Variants in CTNNA3 observed in about 807,000 individuals in gnomAD.
The protein encoded by CTNNA3 is catenin alpha-3.
CTNNA3 carries 76 observed loss-of-function variants against 95.7 expected under a neutral mutation model. The ratio of observed to expected loss-of-function variants is 0.79; its 90% CI spans 0.66 to 0.96. CTNNA3 has a LOEUF of 0.96. Ranked by LOEUF, CTNNA3 falls within the 40% of genes least tolerant of loss-of-function variation. The pLI is 0.00. For synonymous variants in CTNNA3, 431 were observed against 374.4 expected (o/e 1.15, Z -1.74); for missense variants, 1,191 against 1,089.8 (o/e 1.09, Z -1.31).
At chr10:66,527,208 T>A (rs1841299490) in intron 10 of CTNNA3, among the ~76,000 whole-genome samples, 2 of 152,174 alleles carry the variant, frequency 1.3e-5, no homozygotes, top group Non-Finnish European at 2.9e-5. Flanking sequence ...CTGGGCAGCC[T>A]TGTCAAAAAT....
At chr10:67,060,660 G>T (rs1855705278) in intron 7 of CTNNA3, among the ~76,000 whole-genome samples, 1 of 151,748 alleles carries the variant, frequency 6.6e-6, no homozygotes, top group African/African-American at 2.4e-5. Flanking sequence ...TTTACCATGG[G>T]TTCCTGTCTC....
intron 10 of CTNNA3, among the ~76,000 whole-genome samples, chr10:66,575,538 C>T (rs1256820700): frequency 1.3e-5 from 2 of 152,214 alleles, no homozygotes; most frequent in East Asian, 3.9e-4. Flanking sequence ...CTTGACAATG[C>T]TGGTCAAGGG....
intron 15 of CTNNA3, among the ~76,000 whole-genome samples, chr10:66,037,526 C>G (rs920870911): frequency 6.6e-6 from 1 of 152,088 alleles, no homozygotes; most frequent in East Asian, 1.9e-4. Context: ...CTCACCTTAA[C>G]CATAAAATTT....
intron 7 of CTNNA3, among the ~76,000 whole-genome samples, chr10:66,822,136 TATATA>T (rs1454066373): frequency 6.7e-6 from 1 of 149,476 alleles, no homozygotes; most frequent in Non-Finnish European, 1.5e-5. Context: ...TTTATGTCAA[TATATA>T]ATATATAAAG....
chr10:66,250,994 T>G (rs1175846917), intron 13 of CTNNA3, among the ~76,000 whole-genome samples: 1 of 152,188 alleles, frequency 6.6e-6, no homozygotes. Flanking sequence ...TTGCCCTGCC[T>G]TGTAGACCAT....
chr10:67,078,706 T>C (rs1373201742), intron 7 of CTNNA3, among the ~76,000 whole-genome samples: 3 of 152,094 alleles, frequency 2.0e-5, no homozygotes, highest in East Asian at 1.9e-4. Flanking sequence ...TTAGTAGACA[T>C]GGGGTTTCAC....
intron 7 of CTNNA3, among the ~76,000 whole-genome samples, chr10:66,918,968 T>C (rs1175096845): frequency 6.6e-6 from 1 of 151,734 alleles, no homozygotes; most frequent in South Asian, 2.1e-4. Context: ...ACCCTGTCTC[T>C]ACTAAAAATA....
intron 15 of CTNNA3, among the ~76,000 whole-genome samples, chr10:66,056,139 G>A (rs950901306): frequency 6.6e-6 from 1 of 152,030 alleles, no homozygotes; most frequent in Non-Finnish European, 1.5e-5. Context: ...TCCCCATTCA[G>A]TGTGATGCTA....
At chr10:66,985,071 G>T (rs183242440) in intron 7 of CTNNA3, among the ~76,000 whole-genome samples, 1 of 151,926 alleles carries the variant, frequency 6.6e-6, no homozygotes, top group Admixed American at 6.6e-5. Context: ...AGATTTTTCC[G>T]TTGTCTAGAA....
At chr10:66,387,057 C>T (rs1000893158) in intron 11 of CTNNA3, among the ~76,000 whole-genome samples, 29 of 152,128 alleles carry the variant, frequency 1.9e-4, no homozygotes, top group African/African-American at 7.0e-4. Flanking sequence ...ATGACTAAAA[C>T]ACCAAACACA....
chr10:65,995,740 G>C (rs1001846611), intron 15 of CTNNA3, among the ~76,000 whole-genome samples: 1 of 152,228 alleles, frequency 6.6e-6, no homozygotes, highest in Admixed American at 6.5e-5. Context: ...AACCCCATGG[G>C]CTCACAGATA....
chr10:67,232,362 T>C (rs1865256099), intron 5 of CTNNA3, among the ~76,000 whole-genome samples: 2 of 151,978 alleles, frequency 1.3e-5, no homozygotes, highest in East Asian at 1.9e-4. Flanking sequence ...ATATTCAACA[T>C]TCTTAAAGAA....
At chr10:66,928,664 A>T (rs549892582) in intron 7 of CTNNA3, among the ~76,000 whole-genome samples, 1 of 152,254 alleles carries the variant, frequency 6.6e-6, no homozygotes, top group Non-Finnish European at 1.5e-5. Flanking sequence ...AAATTTAAAT[A>T]CCACAATCAA....
At chr10:66,531,379 G>GGTTT (rs1323789833) in intron 10 of CTNNA3, among the ~76,000 whole-genome samples, 2 of 110,950 alleles carry the variant, frequency 1.8e-5, no homozygotes, top group African/African-American at 5.7e-5. Flanking sequence ...ATTAGATTAT[G>GGTTT]GTTTGTTCGT....
At chr10:66,142,570 T>A (rs191737338) in intron 13 of CTNNA3, among the ~76,000 whole-genome samples, 1 of 152,220 alleles carries the variant, frequency 6.6e-6, no homozygotes, top group African/African-American at 2.4e-5. Flanking sequence ...TTACACTGAA[T>A]GTGTAGATCA....
chr10:66,916,695 C>T (rs1449489083), intron 7 of CTNNA3, among the ~76,000 whole-genome samples: 1 of 151,862 alleles, frequency 6.6e-6, no homozygotes, highest in East Asian at 1.9e-4. Context: ...CACCTGGAGA[C>T]AAAGTGGAAA....
At chr10:66,443,570 G>A (rs1450236100) in intron 11 of CTNNA3, among the ~76,000 whole-genome samples, 5 of 152,172 alleles carry the variant, frequency 3.3e-5, no homozygotes, top group South Asian at 2.1e-4. Flanking sequence ...AAAGGGTCTG[G>A]AGTGGACCTC....
intron 2 of CTNNA3, among the ~76,000 whole-genome samples, chr10:67,618,569 GT>G (rs1446909674): frequency 6.6e-6 from 1 of 151,946 alleles, no homozygotes; most frequent in Non-Finnish European, 1.5e-5. Context: ...ACTCTTTCTT[GT>G]TCTCTTCTAA....
chr10:67,470,091 A>T (rs1847760184), intron 5 of CTNNA3, among the ~76,000 whole-genome samples: 2 of 152,016 alleles, frequency 1.3e-5, no homozygotes, highest in Non-Finnish European at 2.9e-5. Flanking sequence ...CTCCCCTGCC[A>T]CCCTCCTACT....
Sources: allele counts gnomAD v4.1 joint callset (sites outside exome capture counted in the v4.1 genomes callset), GRCh38; gene constraint gnomAD v4.1.1; transcripts MANE v1.5; gene names NCBI Gene and HGNC (gene_info 2026-07-23, HGNC 2026-07-21).